Variants in PCDHGA6 observed in about 807,000 individuals in gnomAD.
PCDHGA6 encodes protocadherin gamma subfamily A, 6.
Under a neutral mutation model 60.6 loss-of-function variants are expected in PCDHGA6, and 41 were observed. The observed-to-expected ratio is 0.68, with a 90% CI of 0.53 to 0.88. PCDHGA6 has a LOEUF of 0.88. Ranked by LOEUF, PCDHGA6 falls within the 40% of genes least tolerant of loss-of-function variation. The pLI is 0.00. For missense variants in PCDHGA6, 1,312 were observed against 1,203.0 expected (o/e 1.09, Z -1.34); for synonymous variants, 594 against 524.4 (o/e 1.13, Z -1.81).
chr5:141,485,500 C>T lies in PCDHGA6; in HGVS notation c.2425-9307C>T. 1 of 1,614,142 alleles carries T rather than the reference C, an allele frequency of 6.2e-7. No homozygotes were observed. The highest frequency in any genetic ancestry group is 8.5e-7 in the Non-Finnish European group (1 of 1,180,038). ...GCTGCATCGTGCCCCTGGAGTTTGT[C>T]ACCGAAGGTCCTTTGGAAATGTACC... On this transcript the variant is annotated intron_variant, in intron 1 of 3. Coordinates refer to ENST00000517434, the MANE Select transcript of PCDHGA6 (RefSeq NM_018919.3). The surrounding 1 kb of genome is among the most constrained non-coding windows in gnomAD (Gnocchi z 5.7).
At position 141,486,882 on chromosome 5, in the gene PCDHGA6, C is replaced by T; in HGVS notation, c.2425-7925C>T. The T allele has an allele frequency of 6.2e-7, 1 of 1,614,244 alleles. No individual in the cohort carries two copies. The highest frequency in any genetic ancestry group is 1.1e-5 in the South Asian group (1 of 91,086). On this transcript the variant is annotated intron_variant, in intron 1 of 3. Transcript: ENST00000517434. This position sits in a 1 kb window ranked among gnomAD's most constrained non-coding sequence, Gnocchi z 5.0. ...GCTCCAGCTGTGCTCCGTCCTCGGG[C>T]CCGGCCTGGTTCCTTATGTCCCCAA...
intron 1 of PCDHGA6, chr5:141,388,654 C>T (rs2091438371): frequency 3.1e-6 from 5 of 1,613,846 alleles, no homozygotes; most frequent in Non-Finnish European, 4.2e-6. Flanking sequence ...AACGTGTACC[C>T]GGGGACCACG....
intron 1 of PCDHGA6, chr5:141,403,431 C>T: frequency 6.2e-7 from 1 of 1,614,028 alleles, no homozygotes; most frequent in Non-Finnish European, 8.5e-7. Context: ...GCTATTGATC[C>T]GGATGTTGGC....
chr5:141,409,462 C>G (rs377705841), intron 1 of PCDHGA6: 1 of 1,613,988 alleles, frequency 6.2e-7, no homozygotes, highest in African/African-American at 1.3e-5. Flanking sequence ...AATACAATGT[C>G]ACCATCGTAG....
chr5:141,483,538 G>C (rs571240759), intron 1 of PCDHGA6, among the ~76,000 whole-genome samples: 1 of 152,230 alleles, frequency 6.6e-6, no homozygotes, highest in African/African-American at 2.4e-5. Flanking sequence ...AAGCTGGGTG[G>C]TTGACAGTGC....
Position 141,487,306 on chromosome 5 carries a change from ACT to A in PCDHGA6, c.2425-7496_2425-7495del. 1 of 1,613,414 alleles carries A rather than the reference ACT, an allele frequency of 6.2e-7. No individual in the cohort carries two copies. The highest frequency in any genetic ancestry group is 8.5e-7 in the Non-Finnish European group (1 of 1,179,874). ...TCTCCTTTGGCTCATTCGTGGCACT[ACT>A]CTCTAAGTGTCTTCGTGGGGCAGCC... On this transcript the variant is annotated intron_variant, in intron 1 of 3. Coordinates refer to ENST00000517434, the MANE Select transcript of PCDHGA6 (RefSeq NM_018919.3). The surrounding 1 kb of genome is among the most constrained non-coding windows in gnomAD (Gnocchi z 5.0).
At chr5:141,404,108 A>G (rs537875169) in intron 1 of PCDHGA6, 22 of 1,613,436 alleles carry the variant, frequency 1.4e-5, no homozygotes, top group South Asian at 6.6e-5. Context: ...TGTCTGTTCT[A>G]TCCAGGAGAA....
chr5:141,403,033 G>T (rs764461706), intron 1 of PCDHGA6: 1 of 1,614,056 alleles, frequency 6.2e-7, no homozygotes, highest in Non-Finnish European at 8.5e-7. Flanking sequence ...GGGAGGCCAG[G>T]GCCAGTCAGA....
rs1229623400 is a variant in PCDHGA6, at chr5:141,505,984, T to A, written c.2572+503T>A. 4.6e-5 allele frequency among the ~76,000 whole-genome samples: 7 copies of A among 152,198 alleles called. No homozygotes were observed. In the East Asian group the frequency reaches 1.4e-3, roughly 30 times the overall value. On this transcript the variant is annotated intron_variant, in intron 3 of 3. Coordinates refer to ENST00000517434, the MANE Select transcript of PCDHGA6 (RefSeq NM_018919.3). ...AGAAATCCCCAGCCGAGAGAACACC[T>A]CCTCTTTATGCGAGGCTCCTCTTTT...
chr5:141,441,697 C>A (rs1415018255), intron 1 of PCDHGA6: 4 of 307,190 alleles, frequency 1.3e-5, no homozygotes, highest in Non-Finnish European at 1.3e-5. Flanking sequence ...CAGCCGCGAG[C>A]CTTCAAGCTC....
chr5:141,380,361 G>GA (rs980591138), intron 1 of PCDHGA6, among the ~76,000 whole-genome samples: 103 of 151,620 alleles, frequency 6.8e-4, no homozygotes, highest in South Asian at 1.2e-3. Flanking sequence ...TTGTTTTTTA[G>GA]AAAAAAAAGT....
chr5:141,457,058 T>C (rs756862311), intron 1 of PCDHGA6, among the ~76,000 whole-genome samples: 1 of 152,230 alleles, frequency 6.6e-6, no homozygotes, highest in South Asian at 2.1e-4. Flanking sequence ...TCATGCTTCC[T>C]TTTTGCCAGT....
At chr5:141,433,383 CT>C (rs2097595660) in intron 1 of PCDHGA6, among the ~76,000 whole-genome samples, 1 of 151,456 alleles carries the variant, frequency 6.6e-6, no homozygotes, top group Non-Finnish European at 1.5e-5. Context: ...ATCTATCTAT[CT>C]ATCTATCTAT....
intron 1 of PCDHGA6, among the ~76,000 whole-genome samples, chr5:141,458,412 G>A (rs2098945236): frequency 6.6e-6 from 1 of 152,034 alleles, no homozygotes; most frequent in Non-Finnish European, 1.5e-5. Context: ...ACGGAGCGGG[G>A]GTTCCAAAGC....
intron 1 of PCDHGA6, chr5:141,403,949 G>T: frequency 1.2e-6 from 2 of 1,613,886 alleles, no homozygotes; most frequent in Non-Finnish European, 1.7e-6. Flanking sequence ...GTGGACAAAA[G>T]TGCTCATTTC....
Position 141,431,180 on chromosome 5 carries a change from A to C in PCDHGA6, c.2424+54673A>C. The C allele has an allele frequency of 6.2e-7, 1 of 1,614,246 alleles. No homozygotes were observed. The highest frequency in any genetic ancestry group is 8.5e-7 in the Non-Finnish European group (1 of 1,180,044). On this transcript the variant is annotated intron_variant, in intron 1 of 3. Transcript: ENST00000517434. This position sits in a 1 kb window ranked among gnomAD's most constrained non-coding sequence, Gnocchi z 4.8. ...CTTTCGTGAAAGTGAATTAGAAATA[A>C]AAATTAGTGAAAATGCAGCCACTGA...
At chr5:141,475,322 G>A (rs1352768659) in intron 1 of PCDHGA6, among the ~76,000 whole-genome samples, 1 of 152,204 alleles carries the variant, frequency 6.6e-6, no homozygotes, top group African/African-American at 2.4e-5. Flanking sequence ...CTTAAGAAAT[G>A]AGAGCTAACA....
At chr5:141,389,387 C>T in intron 1 of PCDHGA6, 1 of 1,613,724 alleles carries the variant, frequency 6.2e-7, no homozygotes, top group Non-Finnish European at 8.5e-7. Context: ...AGCTGTCATC[C>T]TACGTGTCCA....
chr5:141,388,374 A>G (rs1169150224), intron 1 of PCDHGA6: 1 of 1,614,020 alleles, frequency 6.2e-7, no homozygotes, highest in South Asian at 1.1e-5. Flanking sequence ...GGATATTGGT[A>G]GCAACACACT....
Sources: allele counts gnomAD v4.1 joint callset (sites outside exome capture counted in the v4.1 genomes callset), GRCh38; gene constraint gnomAD v4.1.1; non-coding constraint Gnocchi (gnomAD v3.1); transcripts MANE v1.5; gene names NCBI Gene and HGNC (gene_info 2026-07-23, HGNC 2026-07-21).